The following ALMS1 variants were observed in gnomAD, a reference collection of about 807,000 sequenced individuals.
ALMS1 encodes ALMS1 centrosome and basal body associated protein, also known as centrosome-associated protein ALMS1.
Under a neutral mutation model 352.2 loss-of-function variants are expected in ALMS1, and 271 were observed. The ratio of observed to expected loss-of-function variants is 0.77; its 90% CI spans 0.70 to 0.85. ALMS1 has a LOEUF of 0.85. ALMS1 is among the 40% of genes least tolerant of loss of function. The pLI is 0.00. For synonymous variants in ALMS1, 1,865 were observed against 1,761.2 expected, an observed-to-expected ratio of 1.06 and a Z score of -1.48; for missense variants, 5,445 against 4,870.7, an observed-to-expected ratio of 1.12 and a Z score of -3.51.
At chr2:73,477,093 T>C (rs577659924) in intron 9 of ALMS1, among the ~76,000 whole-genome samples, 1 of 152,278 alleles carries the variant, frequency 6.6e-6, no homozygotes, top group South Asian at 2.1e-4. Flanking sequence ...TGGTGTCCTT[T>C]GGTGAACAGA....
At position 73,424,789 on chromosome 2, in the gene ALMS1, T is replaced by C; in HGVS notation, c.1124T>C (p.Ile375Thr). The C allele has an allele frequency of 1.2e-6, 2 of 1,613,264 alleles. No individual in the cohort carries two copies. Among genetic ancestry groups the C allele is most frequent in the Non-Finnish European group, 1.7e-6 (2 of 1,179,398 alleles). ...DQVSVATSFDITDENIATKRS... is the reference protein window; with the variant it reads ...DQVSVATSFDTTDENIATKRS... ...GTTTCAGTTGCAACTTCATTTGACATAACTGATGAAAACATAGCTACTAAA... is the reference window on the plus strand; with the variant it reads ...GTTTCAGTTGCAACTTCATTTGACACAACTGATGAAAACATAGCTACTAAA... Residue 375 changes from isoleucine (I) to threonine (T), a missense_variant, in exon 5 of 23, where the codon ATA becomes ACA. Physicochemically the swap from Ile to Thr is moderately conservative, Grantham distance 89 (BLOSUM62 -1). Transcript: ENST00000613296.
At chr2:73,554,771 T>A (rs1035317499) in intron 13 of ALMS1, among the ~76,000 whole-genome samples, 1 of 152,084 alleles carries the variant, frequency 6.6e-6, no homozygotes, top group Non-Finnish European at 1.5e-5. Flanking sequence ...CTAGCCAGAT[T>A]TTATTTCCTA....
At chr2:73,536,778 A>G (rs1384001111) in intron 12 of ALMS1, among the ~76,000 whole-genome samples, 3 of 152,214 alleles carry the variant, frequency 2.0e-5, no homozygotes, top group Non-Finnish European at 4.4e-5. Context: ...ACTGGGGCAA[A>G]GGAAACAGCC....
intron 16 of ALMS1, among the ~76,000 whole-genome samples, chr2:73,596,833 A>G (rs1274069335): frequency 1.3e-5 from 2 of 149,088 alleles, no homozygotes. Context: ...ATAAGATTTG[A>G]AATCAGGAAA....
intron 16 of ALMS1, among the ~76,000 whole-genome samples, chr2:73,591,093 T>C (rs1675423911): frequency 6.6e-6 from 1 of 152,178 alleles, no homozygotes; most frequent in South Asian, 2.1e-4. Flanking sequence ...TACAGGCATG[T>C]GCCACTGTGC....
chr2:73,502,167 G>A (rs1317799637), intron 10 of ALMS1, among the ~76,000 whole-genome samples: 1 of 151,884 alleles, frequency 6.6e-6, no homozygotes, highest in Non-Finnish European at 1.5e-5. Context: ...GCCTACTGTG[G>A]GATGTTTTAG....
At chr2:73,502,146 A>G (rs1673231856) in intron 10 of ALMS1, among the ~76,000 whole-genome samples, 1 of 152,246 alleles carries the variant, frequency 6.6e-6, no homozygotes, top group Middle Eastern at 3.4e-3. Flanking sequence ...TCTTTGGGTC[A>G]GAGCTTTCAT....
At chr2:73,394,199 C>G (rs1171806348) in intron 1 of ALMS1, among the ~76,000 whole-genome samples, 1 of 152,110 alleles carries the variant, frequency 6.6e-6, no homozygotes, top group South Asian at 2.1e-4. Flanking sequence ...TTTCCTTTTT[C>G]AAGATATTTT....
At chr2:73,531,060 A>T (rs1037354606) in intron 11 of ALMS1, among the ~76,000 whole-genome samples, 1 of 152,160 alleles carries the variant, frequency 6.6e-6, no homozygotes, top group African/African-American at 2.4e-5. Context: ...CATTTTCCCC[A>T]TTGTCTTGGC....
At chr2:73,547,020 G>C (rs1674337034) in intron 12 of ALMS1, among the ~76,000 whole-genome samples, 1 of 147,726 alleles carries the variant, frequency 6.8e-6, no homozygotes, top group African/African-American at 2.7e-5. Context: ...ACTTTATGAT[G>C]GTATGGAAAT....
intron 9 of ALMS1, among the ~76,000 whole-genome samples, chr2:73,486,176 A>G (rs920878813): frequency 6.6e-6 from 1 of 151,702 alleles, no homozygotes; most frequent in Non-Finnish European, 1.5e-5. Flanking sequence ...ATGTTAGTAT[A>G]TATGTTAGAT....
chr2:73,510,105 T>C (rs2103941262), intron 10 of ALMS1, among the ~76,000 whole-genome samples: 1 of 152,344 alleles, frequency 6.6e-6, no homozygotes, highest in East Asian at 1.9e-4. Context: ...GTTATTCTAG[T>C]TAGCAATTCC....
intron 16 of ALMS1, among the ~76,000 whole-genome samples, chr2:73,595,816 T>G (rs1005097352): frequency 6.6e-6 from 1 of 152,258 alleles, no homozygotes; most frequent in Admixed American, 6.5e-5. Flanking sequence ...ACCTTTTTAT[T>G]TATAGCCATT....
In ALMS1 at chr2:73,451,301, G is replaced by A. The variant is rs760272705; in HGVS notation, c.4774G>A (p.Glu1592Lys). 2 of 1,614,044 alleles carry A rather than the reference G, an allele frequency of 1.2e-6. No individual in the cohort carries two copies. Among genetic ancestry groups the A allele is most frequent in the South Asian group, 2.2e-5 (2 of 91,080 alleles). ...KQAFPDGHLP[E>K]EALKVSIVSG... ...GGCCTTTCCAGATGGTCATCTACCT[G>A]AAGAGGCTCTGAAAGTTTCCATTGT... The change falls in exon 8 of 23, where the codon GAA becomes AAA. Residue 1592 changes from glutamate (E) to lysine (K), a missense_variant. Transcript: ENST00000613296.
rs547000811 is a variant in ALMS1, at chr2:73,461,780, G to A, written c.7674+6485G>A. On this transcript the variant is annotated intron_variant, in intron 9 of 22. Transcript: ENST00000613296. ...CTTAAAGGAGCTGATGGAGCTAAAA[G>A]CAAAGGCGCGAGAACCATGTGAAGA... Among the ~76,000 whole-genome samples the A allele has an allele frequency of 2.4e-4, 37 of 152,312 alleles. 1 individual carries two copies. The highest frequency in any genetic ancestry group is 1.3e-3 in the Admixed American group (20 of 15,290).
chr2:73,476,481 T>A (rs1438261504), intron 9 of ALMS1, among the ~76,000 whole-genome samples: 2 of 152,106 alleles, frequency 1.3e-5, no homozygotes, highest in Admixed American at 6.5e-5. Flanking sequence ...CCGTACTGTT[T>A]TCCATAAGGG....
chr2:73,609,693 T>G lies in ALMS1; in HGVS notation c.*81T>G. ...AGAATCCTTACTTTTGTGAGTCTGG[T>G]TGAATAAAGCTTATTCTTTGTCCAT... On this transcript the variant is annotated 3_prime_UTR_variant, in exon 23 of 23. Transcript: ENST00000613296. The G allele has an allele frequency of 7.4e-7, 1 of 1,346,932 alleles. No homozygotes were observed. The highest frequency in any genetic ancestry group is 1.4e-5 in the African/African-American group (1 of 69,670). The allele number at this position is 1,346,932 out of a possible 1,614,324, so 83.4% of individuals were successfully genotyped here.
intron 16 of ALMS1, among the ~76,000 whole-genome samples, chr2:73,585,421 T>C (rs2104143817): frequency 6.9e-6 from 1 of 144,558 alleles, no homozygotes; most frequent in African/African-American, 2.6e-5. Context: ...TGAGACAGAG[T>C]CTCACTCTGT....
chr2:73,426,442 C>G lies in ALMS1; in HGVS notation c.1238-11C>G, dbSNP rs1553400951. On this transcript the variant is annotated splice_polypyrimidine_tract_variant and intron_variant, in intron 5 of 22. Coordinates refer to ENST00000613296, the MANE Select transcript of ALMS1 (RefSeq NM_001378454.1). ...TACATACAATTATGCAAAATGACTC[C>G]TATTTTGTAGAGGGCCTGCAGGGGA... 2 of 1,613,516 alleles carry G rather than the reference C, an allele frequency of 1.2e-6. No homozygotes were observed. Among genetic ancestry groups the G allele is most frequent in the Non-Finnish European group, 1.7e-6 (2 of 1,179,460 alleles).
Sources: gnomAD v4.1 joint callset for allele counts (sites outside exome capture counted in the v4.1 genomes callset) on GRCh38, gnomAD v4.1.1 for gene constraint, MANE v1.5 for transcripts, NCBI Gene and HGNC (gene_info 2026-07-23, HGNC 2026-07-21) for gene names.